The following VPS13C variants were observed in gnomAD, a reference collection of about 807,000 sequenced individuals.
The protein encoded by VPS13C is vacuolar protein sorting 13 homolog C.
In VPS13C, 358 loss-of-function variants were observed where a neutral mutation model predicts 456.8. The observed-to-expected ratio is 0.78, with a 90% CI of 0.72 to 0.86. VPS13C has a LOEUF of 0.86. VPS13C is among the 40% of genes least tolerant of loss of function. The pLI is 0.00. For missense variants in VPS13C, 4,818 were observed against 4,385.4 expected (o/e 1.10, Z -2.79); for synonymous variants, 1,578 against 1,486.7 (o/e 1.06, Z -1.41).
chr15:62,037,498 AATTT>A (rs1037217371), intron 3 of VPS13C, among the ~76,000 whole-genome samples: 1 of 132,562 alleles, frequency 7.5e-6, no homozygotes, highest in African/African-American at 3.3e-5. Context: ...GAATATAATA[AATTT>A]ATTATATTGT....
chr15:61,985,765 G>A (rs2046029891), intron 18 of VPS13C, among the ~76,000 whole-genome samples: 5 of 152,168 alleles, frequency 3.3e-5, no homozygotes, highest in African/African-American at 1.2e-4. Context: ...CAAAATTACT[G>A]AGTCAAGACT....
At chr15:61,934,738 C>CTTTAT (rs541420213) in intron 48 of VPS13C, among the ~76,000 whole-genome samples, 90 of 152,036 alleles carry the variant, frequency 5.9e-4, no homozygotes, top group East Asian at 4.8e-3. Context: ...CTCTCACTAA[C>CTTTAT]TTTATTTTAT....
rs1336870144 is a variant in VPS13C at position 61,967,373 on chromosome 15, T to C, written c.2986A>G (p.Ile996Val). ...PGLDLLKVEY[I>V]KADKNGPSFQ... The stretch of plus-strand genomic sequence containing the variant: ...AATCATTCTATAGCCCTTACCTTAA[T>C]ATACTCCACTTTCAAAAGATCTAAT... The change falls in exon 29 of 85, where the codon ATT (isoleucine) becomes GTT (valine). Residue 996 changes from isoleucine (I) to valine (V), a missense_variant. By Grantham distance (29) the Ile-to-Val change is conservative. Coordinates refer to ENST00000644861, the MANE Select transcript of VPS13C (RefSeq NM_020821.3). 3 of 1,604,938 alleles carry C rather than the reference T, an allele frequency of 1.9e-6. No individual in the cohort carries two copies. The highest frequency in any genetic ancestry group is 3.4e-5 in the Admixed American group (2 of 59,052).
chr15:62,016,254 T>G (rs2047243066), intron 9 of VPS13C, among the ~76,000 whole-genome samples: 1 of 150,892 alleles, frequency 6.6e-6, no homozygotes, highest in African/African-American at 2.4e-5. Context: ...TTCACTGTCC[T>G]TAACTTTATT....
At chr15:61,947,439 A>G (rs907625809) in intron 42 of VPS13C, 130 bp from the exon 43 acceptor site, 21 of 574,526 alleles carry the variant, frequency 3.7e-5, no homozygotes, top group African/African-American at 3.6e-4. Flanking sequence ...CATTAAGATA[A>G]CATGTAATTA....
chr15:61,963,111 A>G (rs1478057849), intron 32 of VPS13C, among the ~76,000 whole-genome samples: 1 of 152,164 alleles, frequency 6.6e-6, no homozygotes, highest in East Asian at 1.9e-4. Flanking sequence ...TCAGGATTTA[A>G]GTAAATTATC....
rs190687378 is a variant in VPS13C at position 61,962,692 on chromosome 15, A to G, written c.3435+57T>C. ...TTTTTAAAATAAAATACATTTTACAATAGAAGCTCATATTCAGTCATTAAA... is the reference window on the plus strand; with the variant it reads ...TTTTTAAAATAAAATACATTTTACAGTAGAAGCTCATATTCAGTCATTAAA... On this transcript the variant is annotated intron_variant, in intron 33 of 84. Coordinates refer to ENST00000644861, the MANE Select transcript of VPS13C (RefSeq NM_020821.3). 3.6e-4 allele frequency: 499 copies of G among 1,372,658 alleles called. 2 individuals are homozygous for G. In the East Asian group the frequency reaches 0.012, roughly 32 times the overall value. The allele number at this position is 1,372,658 out of a possible 1,614,324, so 85.0% of individuals were successfully genotyped here.
chr15:61,938,150 G>C (rs2044289119), intron 47 of VPS13C, among the ~76,000 whole-genome samples: 1 of 152,084 alleles, frequency 6.6e-6, no homozygotes, highest in Non-Finnish European at 1.5e-5. Context: ...TCATATAACA[G>C]GTGTAATTTT....
Position 61,929,678 on chromosome 15 carries a change from T to A in VPS13C, c.6109A>T (p.Asn2037Tyr). ...AGAACAGCATCAATTTGACTTCCAT[T>A]TTTGTCTTGTTTGTAACTTATATCA... The part of the protein sequence containing the change: ...MIDISYKQDK[N>Y]GSQIDAVLDK... Residue 2037 changes from asparagine to tyrosine, a missense_variant, in exon 51 of 85, where the codon AAT becomes TAT. By Grantham distance (143) the Asn-to-Tyr change is moderately radical. Transcript: ENST00000644861. 6.2e-7 allele frequency: 1 copy of A among 1,614,104 alleles called. No homozygotes were observed. The highest frequency in any genetic ancestry group is 1.7e-4 in the Middle Eastern group (1 of 6,058).
chr15:61,953,800 C>A (rs1596377032), intron 38 of VPS13C, among the ~76,000 whole-genome samples: 1 of 152,132 alleles, frequency 6.6e-6, no homozygotes, highest in South Asian at 2.1e-4. Flanking sequence ...TCTTTTATGA[C>A]CCTCTCAGTT....
At chr15:61,910,682 G>C (rs2043278755) in intron 63 of VPS13C, among the ~76,000 whole-genome samples, 1 of 152,118 alleles carries the variant, frequency 6.6e-6, no homozygotes, top group African/African-American at 2.4e-5. Flanking sequence ...TTCTTTCACA[G>C]AGTATCTTAA....
chr15:61,995,299 G>A (rs2046347052), intron 16 of VPS13C, among the ~76,000 whole-genome samples: 1 of 152,164 alleles, frequency 6.6e-6, no homozygotes, highest in Non-Finnish European at 1.5e-5. Context: ...AGTAGAAGGG[G>A]TCACAATTTG....
At chr15:61,975,118 G>A (rs1051217950) in intron 24 of VPS13C, among the ~76,000 whole-genome samples, 2 of 152,048 alleles carry the variant, frequency 1.3e-5, no homozygotes, top group Admixed American at 1.3e-4. Flanking sequence ...CCACACTGGG[G>A]TACAGTAAAG....
At position 62,023,792 on chromosome 15, in the gene VPS13C, C is replaced by G. The variant is rs371041492; in HGVS notation, c.502G>C (p.Asp168His). The G allele has an allele frequency of 1.2e-6, 2 of 1,610,624 alleles. No individual in the cohort carries two copies. The highest frequency in any genetic ancestry group is 1.7e-6 in the Non-Finnish European group (2 of 1,178,068). Residue 168 changes from aspartate to histidine, a missense_variant, in exon 7 of 85, where the codon GAT becomes CAT. Asp to His is a moderately conservative substitution (Grantham distance 81). Transcript: ENST00000644861. ...TACTTTTACCTACCTTTTGAACGAT[C>G]AAGACCTTTAAAAGGTTTCTTAAAA... ...KHFKKPFKGL[D>H]RSKDKPKEAK...
Position 61,942,033 on chromosome 15 carries a change from G to C in VPS13C, c.5183C>G (p.Ala1728Gly). The C allele has an allele frequency of 6.2e-7, 1 of 1,602,258 alleles. No individual in the cohort carries two copies. Among genetic ancestry groups the C allele is most frequent in the Non-Finnish European group, 8.5e-7 (1 of 1,172,532 alleles). ...FLNNFQTAKEALSTATVQAAE... is the reference protein window; with the variant it reads ...FLNNFQTAKEGLSTATVQAAE... ...AGCCTGGACTGTGGCTGTACTCAAA[G>C]CTTCTTTAGCAGTTTGGAAATTGTT... The change falls in exon 46 of 85, where the codon GCT becomes GGT. Residue 1728 changes from alanine to glycine, a missense_variant. Physicochemically the swap from Ala to Gly is moderately conservative, Grantham distance 60. Around this residue, in one of 3 missense-constraint regions of VPS13C, gnomAD observed 4,552 missense variants for 4,130.6 expected, o/e 1.10. Transcript: ENST00000644861.
intron 1 of VPS13C, among the ~76,000 whole-genome samples, chr15:62,055,385 G>C (rs1459093629): frequency 6.7e-6 from 1 of 150,258 alleles, no homozygotes. Context: ...CTGCCCCCAT[G>C]CCCGGCTAAT....
chr15:61,934,534 A>G (rs1030458896), intron 48 of VPS13C, among the ~76,000 whole-genome samples: 7 of 152,308 alleles, frequency 4.6e-5, no homozygotes, highest in South Asian at 2.1e-4. Flanking sequence ...TATTTAGCAT[A>G]TATGTGCAAA....
chr15:61,929,636 A>C lies in VPS13C; in HGVS notation c.6151T>G (p.Cys2051Gly). 1 of 1,614,170 alleles carries C rather than the reference A, an allele frequency of 6.2e-7. No homozygotes were observed. Among genetic ancestry groups the C allele is most frequent in the Non-Finnish European group, 8.5e-7 (1 of 1,180,020 alleles). Residue 2051 changes from cysteine (C) to glycine (G), a missense_variant, in exon 51 of 85, where the codon TGT becomes GGT. Cys to Gly is a radical substitution (Grantham distance 159, BLOSUM62 -3). Transcript: ENST00000644861. ...GTCATCAGAAATTCCACACTGGCAC[A>C]TACATACAGCTTGTCAAGAACAGCA... is the stretch of plus-strand genomic sequence containing the variant. ...IDAVLDKLYV[C>G]ASVEFLMTVA... is the part of the protein sequence containing the mutation.
chr15:61,996,868 T>TACACAC (rs35800911), intron 16 of VPS13C, among the ~76,000 whole-genome samples: 1 of 143,850 alleles, frequency 7.0e-6, no homozygotes, highest in African/African-American at 2.6e-5. Context: ...AAGGTCTAAA[T>TACACAC]ACACACACAC....
Sources: allele counts gnomAD v4.1 joint callset (sites outside exome capture counted in the v4.1 genomes callset), GRCh38; gene constraint gnomAD v4.1.1; regional missense constraint gnomAD v4.1.1; transcripts MANE v1.5; gene names NCBI Gene and HGNC (gene_info 2026-07-23, HGNC 2026-07-21).